Variants in TMEM248 observed in about 807,000 individuals in gnomAD.
TMEM248 encodes UPF0458 protein C7orf42.
TMEM248 carries 9 observed loss-of-function variants against 30.3 expected under a neutral mutation model. The ratio of observed to expected loss-of-function variants is 0.30; its 90% CI spans 0.18 to 0.52. The LOEUF (loss-of-function observed/expected upper bound fraction) is 0.52, where lower values mean the gene tolerates loss of function less well. Among genes scored for constraint, TMEM248 ranks in the 20% least tolerant of loss-of-function variants. TMEM248 has a pLI of 0.97. For missense variants in TMEM248, 338 were observed against 403.3 expected, an observed-to-expected ratio of 0.84 and a Z score of 1.39; for synonymous variants, 184 against 154.4, an observed-to-expected ratio of 1.19 and a Z score of -1.42.
chr7:66,937,027 T>C (rs563177024), intron 1 of TMEM248, among the ~76,000 whole-genome samples: 129 of 152,316 alleles, frequency 8.5e-4, no homozygotes, highest in African/African-American at 3.0e-3. Flanking sequence ...TTGATGTTTT[T>C]CTACTTTTTT....
At chr7:66,941,542 G>T (rs554866482) in intron 1 of TMEM248, among the ~76,000 whole-genome samples, 34 of 148,466 alleles carry the variant, frequency 2.3e-4, no homozygotes, top group Admixed American at 2.0e-3. Flanking sequence ...GTGACAGAAC[G>T]AGAGACCCTG....
At position 66,943,653 on chromosome 7, in the gene TMEM248, A is replaced by G. The variant is rs113985823; in HGVS notation, c.160-1323A>G. 1.3e-3 allele frequency among the ~76,000 whole-genome samples: 194 copies of G among 152,110 alleles called. 1 individual carries two copies. The highest frequency in any genetic ancestry group is 4.5e-3 in the African/African-American group (187 of 41,532). On this transcript the variant is annotated intron_variant, in intron 2 of 6. Transcript: ENST00000341567. The stretch of plus-strand genomic sequence containing the variant: ...GAATGTTCATTTTCAACCCTAATGT[A>G]CTAGAATGGTCAGTTGAGTTTGTAG...
chr7:66,936,880 C>T (rs1791817682), intron 1 of TMEM248, among the ~76,000 whole-genome samples: 2 of 152,126 alleles, frequency 1.3e-5, no homozygotes, highest in East Asian at 3.9e-4. Context: ...AACACCAACT[C>T]TTTGTTTCAT....
chr7:66,945,306 G>A (rs890969957), intron 3 of TMEM248, 45 bp downstream of exon 3: 2 of 1,583,560 alleles, frequency 1.3e-6, no homozygotes, highest in African/African-American at 2.7e-5. Flanking sequence ...GGCAACCACT[G>A]TTACAAAAAG....
At chr7:66,943,440 A>G (rs1792015723) in intron 2 of TMEM248, among the ~76,000 whole-genome samples, 1 of 152,180 alleles carries the variant, frequency 6.6e-6, no homozygotes, top group African/African-American at 2.4e-5. Context: ...TTTGGTTATG[A>G]TTAGTTTCGT....
intron 6 of TMEM248, among the ~76,000 whole-genome samples, chr7:66,954,760 C>T (rs1340739509): frequency 6.6e-6 from 1 of 152,028 alleles, no homozygotes. Context: ...AGAAGGCCAG[C>T]GGTAGTTTCT....
intron 3 of TMEM248, among the ~76,000 whole-genome samples, chr7:66,945,947 G>A (rs1345770818): frequency 1.3e-5 from 2 of 152,178 alleles, no homozygotes; most frequent in Non-Finnish European, 2.9e-5. Context: ...AGCCGGGCGT[G>A]GTGGCAGGCA....
chr7:66,930,759 C>T (rs1276503531), intron 1 of TMEM248: 6 of 152,594 alleles, frequency 3.9e-5, no homozygotes, highest in Admixed American at 2.6e-4. Flanking sequence ...GGCATCGCAT[C>T]GATGACTGTT....
intron 2 of TMEM248, among the ~76,000 whole-genome samples, 161 bp downstream of exon 2, chr7:66,942,185 A>C (rs568281570): frequency 7.9e-5 from 12 of 152,284 alleles, no homozygotes; most frequent in African/African-American, 2.9e-4. Context: ...CCCAGGACTC[A>C]CTTTGTTAGG....
chr7:66,948,593 G>C lies in TMEM248; in HGVS notation c.495G>C (p.Ala165=), dbSNP rs577351254. 6.2e-7 allele frequency: 1 copy of C among 1,614,078 alleles called. No individual in the cohort carries two copies. Among genetic ancestry groups the C allele is most frequent in the Non-Finnish European group, 8.5e-7 (1 of 1,179,984 alleles). The change falls in exon 4 of 7, where the codon GCG becomes GCC. Residue 165 remains alanine, a synonymous_variant. Transcript: ENST00000341567. ...ACATCACCTTCACCCTGCCTACAGC[G>C]TGGAGCTCAGATGACTGCGCCCTCC... ...EINITFTLPT[A]WSSDDCALHG...
At chr7:66,940,556 G>T (rs1791920190) in intron 1 of TMEM248, among the ~76,000 whole-genome samples, 1 of 152,198 alleles carries the variant, frequency 6.6e-6, no homozygotes. Context: ...AGTCCCAGCT[G>T]ATTTCCTTGC....
At chr7:66,953,052 T>G (rs1347085174) in intron 5 of TMEM248, among the ~76,000 whole-genome samples, 174 bp from the exon 6 acceptor site, 1 of 152,152 alleles carries the variant, frequency 6.6e-6, no homozygotes, top group East Asian at 1.9e-4. Flanking sequence ...CTTCACTTAA[T>G]GAGACCCAGC....
In TMEM248 at chr7:66,955,500, A is replaced by C; in HGVS notation, c.925-2A>C. 6.2e-7 allele frequency: 1 copy of C among 1,614,160 alleles called. No individual in the cohort carries two copies. The highest frequency in any genetic ancestry group is 8.5e-7 in the Non-Finnish European group (1 of 1,180,026). On this transcript the variant is annotated splice_acceptor_variant, in intron 6 of 6. Transcript: ENST00000341567. LOFTEE classifies it high-confidence loss of function. ...TGGTTTCCCTGGCTTGCTGTCTTCC[A>C]GGTGGCTTTGGCTGAAGCCTAATTC...
intron 1 of TMEM248, chr7:66,930,562 C>T (rs1186682711): frequency 6.6e-6 from 1 of 152,168 alleles, no homozygotes; most frequent in Admixed American, 6.6e-5. Context: ...TTACTGGAGA[C>T]CTTGAAGTTC....
chr7:66,947,214 CAAAAA>C (rs565294304), intron 3 of TMEM248, among the ~76,000 whole-genome samples: 10 of 58,818 alleles, frequency 1.7e-4, no homozygotes, highest in Admixed American at 2.0e-4. Flanking sequence ...GACCCTGTCT[CAAAAA>C]AAAAAAAAAA....
At chr7:66,947,996 C>G (rs1584413443) in intron 3 of TMEM248, among the ~76,000 whole-genome samples, 1 of 152,080 alleles carries the variant, frequency 6.6e-6, no homozygotes, top group South Asian at 2.1e-4. Flanking sequence ...AAGCAATCCT[C>G]CTGCCTCAGC....
chr7:66,945,622 C>G (rs1429767203), intron 3 of TMEM248, among the ~76,000 whole-genome samples: 5 of 152,162 alleles, frequency 3.3e-5, no homozygotes, highest in Non-Finnish European at 7.3e-5. Flanking sequence ...CATTGTTAGT[C>G]TGGCACTGTG....
rs1032591610 is a variant in TMEM248, at chr7:66,957,685, A to T, written c.*2163A>T. 3.3e-5 allele frequency: 5 copies of T among 152,212 alleles called. No homozygotes were observed. The highest frequency in any genetic ancestry group is 9.6e-5 in the African/African-American group (4 of 41,454). The allele number at this position is 152,212 out of a possible 1,614,324, so 9.4% of individuals were successfully genotyped here. A position where few individuals can be genotyped will look rare whatever the true frequency, so the allele number is the denominator to read the frequency against. ...GTGGTATCAAAGGAGAAAAACAGTGAAAAAGCCAATTTCACTGGTTCGTTC... is the reference window on the plus strand; with the variant it reads ...GTGGTATCAAAGGAGAAAAACAGTGTAAAAGCCAATTTCACTGGTTCGTTC... On this transcript the variant is annotated 3_prime_UTR_variant, in exon 7 of 7. Coordinates refer to ENST00000341567, the MANE Select transcript of TMEM248 (RefSeq NM_017994.5).
At chr7:66,936,596 C>T (rs1238633323) in intron 1 of TMEM248, among the ~76,000 whole-genome samples, 1 of 151,998 alleles carries the variant, frequency 6.6e-6, no homozygotes, top group Non-Finnish European at 1.5e-5. Flanking sequence ...ACTCCCTCTT[C>T]TTCTGCTTTT....
Sources: gnomAD v4.1 joint callset for allele counts (sites outside exome capture counted in the v4.1 genomes callset) on GRCh38, gnomAD v4.1.1 for gene constraint, MANE v1.5 for transcripts, NCBI Gene and HGNC (gene_info 2026-07-23, HGNC 2026-07-21) for gene names.